The following KCNN3 variants were observed in gnomAD, a reference collection of about 807,000 sequenced individuals.
KCNN3 encodes the protein small conductance calcium-activated potassium channel protein 3.
KCNN3 carries 16 observed loss-of-function variants against 62.9 expected under a neutral mutation model. That is an observed-to-expected ratio of 0.25 (90% CI 0.17 to 0.39). The LOEUF (loss-of-function observed/expected upper bound fraction) is 0.39, where lower values mean the gene tolerates loss of function less well. KCNN3 is among the 10% of genes least tolerant of loss of function. The pLI is 1.00. For synonymous variants in KCNN3, 370 were observed against 389.2 expected (o/e 0.95, Z 0.58); for missense variants, 599 against 949.4 (o/e 0.63, Z 4.85).
chr1:154,858,778 C>T, intron 1 of KCNN3, among the ~76,000 whole-genome samples: 1 of 151,540 alleles, frequency 6.6e-6, no homozygotes, highest in South Asian at 2.1e-4. Flanking sequence ...ACTATGTTGC[C>T]CAGGCTGGTC....
chr1:154,725,881 A>T, intron 5 of KCNN3, 35 bp downstream of exon 5: 2 of 1,533,798 alleles, frequency 1.3e-6, no homozygotes, highest in Admixed American at 3.4e-5. Context: ...TGTGGCCTTA[A>T]GTCCCCCATA....
intron 1 of KCNN3, among the ~76,000 whole-genome samples, chr1:154,843,325 C>T (rs1159398859): frequency 6.6e-6 from 1 of 152,168 alleles, no homozygotes; most frequent in South Asian, 2.1e-4. Flanking sequence ...AAAAAGCCAG[C>T]TGCCTGGCTC....
At chr1:154,822,376 C>T (rs1422727805) in intron 1 of KCNN3, among the ~76,000 whole-genome samples, 192 bp from the exon 2 acceptor site, 1 of 152,252 alleles carries the variant, frequency 6.6e-6, no homozygotes, top group Non-Finnish European at 1.5e-5. Context: ...CCGGCTCTGT[C>T]TCAGCAGCTG....
At chr1:154,760,936 C>G (rs1392361930) in intron 3 of KCNN3, among the ~76,000 whole-genome samples, 1 of 152,228 alleles carries the variant, frequency 6.6e-6, no homozygotes, top group Non-Finnish European at 1.5e-5. Context: ...GGAAGAGAGC[C>G]CTTCAAGACG....
intron 3 of KCNN3, among the ~76,000 whole-genome samples, chr1:154,745,561 G>A (rs531976757): frequency 4.6e-5 from 7 of 152,322 alleles, no homozygotes; most frequent in South Asian, 4.1e-4. Flanking sequence ...TTCTTGGAGT[G>A]TGTTTCTCTT....
At chr1:154,712,590 T>C (rs1182459458) in intron 7 of KCNN3, among the ~76,000 whole-genome samples, 1 of 152,256 alleles carries the variant, frequency 6.6e-6, no homozygotes, top group African/African-American at 2.4e-5. Flanking sequence ...GGAGTTTCTC[T>C]TGCTTACCCA....
rs562870547 is a variant in KCNN3 at position 154,830,655 on chromosome 1, C to T, written c.934-8471G>A. ...CCTGGAGCATTTCCCTGGATCTCTA[C>T]GTTGCCACTCCCAGAAGGAGACGGA... On this transcript the variant is annotated intron_variant, in intron 1 of 7. Coordinates refer to ENST00000271915, the MANE Select transcript of KCNN3 (RefSeq NM_002249.6). 2.0e-4 allele frequency among the ~76,000 whole-genome samples: 30 copies of T among 152,318 alleles called. No individual in the cohort carries two copies. The South Asian group carries it at 4.3e-3, about 22-fold the overall frequency.
chr1:154,767,818 G>A (rs957132861), intron 3 of KCNN3, among the ~76,000 whole-genome samples: 7 of 152,176 alleles, frequency 4.6e-5, no homozygotes, highest in African/African-American at 9.7e-5. Flanking sequence ...ACCAGGCGCT[G>A]CCCTCCCCAT....
At chr1:154,717,112 G>A (rs1011508732) in intron 5 of KCNN3, among the ~76,000 whole-genome samples, 1 of 152,178 alleles carries the variant, frequency 6.6e-6, no homozygotes, top group Non-Finnish European at 1.5e-5. Flanking sequence ...TGATGGTGCT[G>A]GGGGCAACAC....
At chr1:154,843,804 G>A (rs1448939473) in intron 1 of KCNN3, among the ~76,000 whole-genome samples, 4 of 152,196 alleles carry the variant, frequency 2.6e-5, no homozygotes, top group African/African-American at 7.2e-5. Flanking sequence ...GGCACTTAAC[G>A]AAGTCCAATG....
intron 3 of KCNN3, among the ~76,000 whole-genome samples, chr1:154,750,996 C>T (rs976291430): frequency 3.9e-5 from 6 of 152,192 alleles, no homozygotes; most frequent in Non-Finnish European, 7.3e-5. Flanking sequence ...TAGCCCAGTT[C>T]ACCTCATTCT....
intron 5 of KCNN3, among the ~76,000 whole-genome samples, chr1:154,717,821 C>A (rs572138029): frequency 6.6e-6 from 1 of 152,100 alleles, no homozygotes; most frequent in African/African-American, 2.4e-5. Context: ...TCAATATCTG[C>A]GAGAGAAAAA....
chr1:154,762,067 T>G (rs1648043658), intron 3 of KCNN3, among the ~76,000 whole-genome samples: 1 of 152,264 alleles, frequency 6.6e-6, no homozygotes, highest in Non-Finnish European at 1.5e-5. Flanking sequence ...GTTTAGCCAT[T>G]GAAATCCTAG....
chr1:154,828,569 G>A (rs1246207459), intron 1 of KCNN3, among the ~76,000 whole-genome samples: 1 of 152,182 alleles, frequency 6.6e-6, no homozygotes, highest in Non-Finnish European at 1.5e-5. Flanking sequence ...TCATGTCTTT[G>A]CTACTAACTA....
chr1:154,739,435 C>G (rs1700782079), intron 3 of KCNN3, among the ~76,000 whole-genome samples: 1 of 152,090 alleles, frequency 6.6e-6, no homozygotes, highest in South Asian at 2.1e-4. Context: ...TTTATCATTT[C>G]CTCGTTTTTC....
chr1:154,782,403 G>A (rs924179089), intron 2 of KCNN3, among the ~76,000 whole-genome samples: 1 of 152,240 alleles, frequency 6.6e-6, no homozygotes, highest in Non-Finnish European at 1.5e-5. Flanking sequence ...GTGCCAACAC[G>A]GTCAGGCTCT....
intron 2 of KCNN3, among the ~76,000 whole-genome samples, chr1:154,790,483 C>T (rs571866372): frequency 6.6e-6 from 1 of 152,288 alleles, no homozygotes; most frequent in East Asian, 1.9e-4. Flanking sequence ...ATCACAAAGC[C>T]TATTTTATAA....
intron 1 of KCNN3, among the ~76,000 whole-genome samples, chr1:154,846,867 T>A (rs758147986): frequency 1.8e-4 from 28 of 152,114 alleles, no homozygotes; most frequent in Non-Finnish European, 4.1e-4. Context: ...GTGCTGTGTA[T>A]CCATCTAGAC....
chr1:154,737,209 G>T lies in KCNN3; in HGVS notation c.1449-4065C>A, dbSNP rs558698414. 2.7e-4 allele frequency: 84 copies of T among 309,764 alleles called. 13 individuals carry two copies. Among genetic ancestry groups the T allele is most frequent in the South Asian group, 1.7e-3 (45 of 27,094 alleles). 19.2% of individuals were successfully genotyped at this position (309,764 alleles called of 1,614,324 possible). A position where few individuals can be genotyped will look rare whatever the true frequency, so the allele number is the denominator to read the frequency against. On this transcript the variant is annotated intron_variant, in intron 3 of 7. Transcript: ENST00000271915. ...CTATTTTTTGCAATAGAAAATTTGG[G>T]GGGGGGGGATAGCTCCATGTTTTTC... is the stretch of plus-strand genomic sequence containing the variant.
Sources: gnomAD v4.1 joint callset for allele counts (sites outside exome capture counted in the v4.1 genomes callset) on GRCh38, gnomAD v4.1.1 for gene constraint, MANE v1.5 for transcripts, NCBI Gene and HGNC (gene_info 2026-07-23, HGNC 2026-07-21) for gene names.